PALMD: variants seen among roughly 807,000 people sequenced by gnomAD.
PALMD encodes the protein paralemmin-like protein.
In PALMD, 42 loss-of-function variants were observed where a neutral mutation model predicts 56.2. The observed-to-expected ratio is 0.75, with a 90% CI of 0.58 to 0.97. The LOEUF is 0.97. PALMD is among the 50% of genes least tolerant of loss of function. The probability of loss-of-function intolerance (pLI) is 0.00; values close to 1 mark genes in which losing one functional copy is unlikely to be tolerated. For missense variants in PALMD, 660 were observed against 643.8 expected (o/e 1.03, Z -0.27); for synonymous variants, 242 against 222.9 (o/e 1.09, Z -0.76).
intron 1 of PALMD, among the ~76,000 whole-genome samples, chr1:99,661,715 A>C (rs1298052310): frequency 6.6e-6 from 1 of 152,214 alleles, no homozygotes; most frequent in Non-Finnish European, 1.5e-5. Context: ...ATGTAATTTA[A>C]ACTTGGTGAA....
intron 1 of PALMD, among the ~76,000 whole-genome samples, chr1:99,653,616 A>G (rs1015921352): frequency 2.3e-4 from 35 of 152,290 alleles, no homozygotes; most frequent in African/African-American, 7.7e-4. Flanking sequence ...AGATGCAGAC[A>G]TAATTATTGG....
At chr1:99,661,019 A>G (rs929048856) in intron 1 of PALMD, among the ~76,000 whole-genome samples, 2 of 152,256 alleles carry the variant, frequency 1.3e-5, no homozygotes, top group East Asian at 3.8e-4. Flanking sequence ...CACATCAAAA[A>G]AGAGTTTTTA....
chr1:99,682,526 T>C (rs1467596889), intron 3 of PALMD, among the ~76,000 whole-genome samples: 3 of 152,176 alleles, frequency 2.0e-5, no homozygotes, highest in African/African-American at 7.2e-5. Context: ...TTCAACCTCA[T>C]ATTCTTACCA....
At chr1:99,684,451 G>A (rs975359124) in intron 3 of PALMD, 1 of 152,182 alleles carries the variant, frequency 6.6e-6, no homozygotes, top group African/African-American at 2.4e-5. Context: ...ACATAGAAGA[G>A]TGCCTGGTTC....
chr1:99,669,695 T>C (rs185648907), intron 3 of PALMD: 6 of 152,354 alleles, frequency 3.9e-5, no homozygotes, highest in African/African-American at 9.6e-5. Context: ...AATCCGAGTA[T>C]TAACCAGGAC....
rs551533592 is a variant in PALMD at position 99,670,439 on chromosome 1, T to C, written c.251+2673T>C. On this transcript the variant is annotated intron_variant, in intron 3 of 7. Coordinates refer to ENST00000263174, the MANE Select transcript of PALMD (RefSeq NM_017734.5). ...CACCTCCATTTCACAGATGAGGAAA[T>C]AGGCGCAGAGAAAGAAAGTGACTTA... is the stretch of plus-strand genomic sequence containing the variant. Among the ~76,000 whole-genome samples the C allele has an allele frequency of 6.6e-5, 10 of 152,164 alleles. No homozygotes were observed. In the East Asian group the frequency reaches 1.9e-3, roughly 29 times the overall value.
At chr1:99,657,982 G>A (rs1033317502) in intron 1 of PALMD, among the ~76,000 whole-genome samples, 6 of 152,148 alleles carry the variant, frequency 3.9e-5, no homozygotes, top group Non-Finnish European at 7.3e-5. Context: ...ATGCCTTAGC[G>A]ATAACATGTA....
At chr1:99,653,024 T>C (rs1374593532) in intron 1 of PALMD, among the ~76,000 whole-genome samples, 1 of 152,162 alleles carries the variant, frequency 6.6e-6, no homozygotes, top group Admixed American at 6.6e-5. Flanking sequence ...GGCCCCTTTT[T>C]CCTCTGCCTT....
intron 1 of PALMD, 88 bp downstream of exon 1, chr1:99,646,450 C>G: frequency 1.0e-6 from 1 of 975,560 alleles, no homozygotes; most frequent in South Asian, 1.3e-5. Context: ...TGAGCCCTCG[C>G]AAGTGGAAAA....
intron 3 of PALMD, among the ~76,000 whole-genome samples, chr1:99,672,245 T>G (rs760704227): frequency 2.0e-5 from 3 of 152,158 alleles, no homozygotes; most frequent in Non-Finnish European, 4.4e-5. Context: ...CAAACAATAT[T>G]GTGGAGTATT....
intron 6 of PALMD, 21 bp from the exon 7 acceptor site, chr1:99,688,754 A>T: frequency 6.6e-7 from 1 of 1,515,778 alleles, no homozygotes; most frequent in Middle Eastern, 2.0e-4. Context: ...TAAATCAAAG[A>T]TCAAATTTGT....
At chr1:99,652,619 A>G (rs142203955) in intron 1 of PALMD, among the ~76,000 whole-genome samples, 440 of 151,304 alleles carry the variant, frequency 2.9e-3, no homozygotes, top group African/African-American at 0.01. Context: ...AAAAGAAAAG[A>G]CAGAAAAGAG....
At position 99,689,783 on chromosome 1, in the gene PALMD, A is replaced by C; in HGVS notation, c.1523A>C (p.Glu508Ala). The C allele has an allele frequency of 6.2e-7, 1 of 1,613,846 alleles. No individual in the cohort carries two copies. Among genetic ancestry groups the C allele is most frequent in the Non-Finnish European group, 8.5e-7 (1 of 1,179,840 alleles). ...SPHKNSISLK[E>A]QEESLGSPVH... ...CACAAAAATTCCATATCTCTGAAAG[A>C]GCAAGAAGAAAGCTTAGGCAGCCCT... The change falls in exon 7 of 8, where the codon GAG becomes GCG. Residue 508 changes from glutamate (E) to alanine (A), a missense_variant. By Grantham distance (107) the Glu-to-Ala change is moderately radical. Transcript: ENST00000263174.
At chr1:99,655,867 A>T (rs1652711923) in intron 1 of PALMD, among the ~76,000 whole-genome samples, 1 of 152,102 alleles carries the variant, frequency 6.6e-6, no homozygotes, top group Admixed American at 6.6e-5. Flanking sequence ...TGTCATTTTG[A>T]TATTACGCTA....
intron 3 of PALMD, 116 bp downstream of exon 3, chr1:99,667,882 CTT>C (rs35580645): frequency 0.031 from 23,359 of 744,094 alleles, 1 homozygote; most frequent in Non-Finnish European, 0.035. Context: ...ATTTGAATTT[CTT>C]TTTTTTTTTT....
chr1:99,646,306 T>G lies in PALMD; in HGVS notation c.-12T>G. ...GACTTGCTTCCCCGTCTGACTGTCC[T>G]TGACTTCTAGAATGGAAGAAGCTGA... On this transcript the variant is annotated 5_prime_UTR_variant, in exon 1 of 8. Coordinates refer to ENST00000263174, the MANE Select transcript of PALMD (RefSeq NM_017734.5). 1 of 1,612,320 alleles carries G rather than the reference T, an allele frequency of 6.2e-7. No individual in the cohort carries two copies. Among genetic ancestry groups the G allele is most frequent in the South Asian group, 1.1e-5 (1 of 91,044 alleles).
chr1:99,689,917 C>T, intron 7 of PALMD, 45 bp downstream of exon 7: 4 of 1,528,316 alleles, frequency 2.6e-6, no homozygotes, highest in Non-Finnish European at 3.5e-6. Context: ...AGTCATGTGA[C>T]CAGCTTCTCT....
intron 3 of PALMD, among the ~76,000 whole-genome samples, chr1:99,674,920 C>T (rs1653167962): frequency 1.3e-5 from 2 of 152,338 alleles, no homozygotes; most frequent in East Asian, 1.9e-4. Context: ...TGCCACCAGG[C>T]CTAGACTTCT....
chr1:99,670,160 C>G (rs945782803), intron 3 of PALMD, among the ~76,000 whole-genome samples: 2 of 152,174 alleles, frequency 1.3e-5, no homozygotes, highest in African/African-American at 4.8e-5. Flanking sequence ...CCTTCTATGT[C>G]CCCCTATTCT....
Sources: allele counts gnomAD v4.1 joint callset (sites outside exome capture counted in the v4.1 genomes callset), GRCh38; gene constraint gnomAD v4.1.1; transcripts MANE v1.5; gene names NCBI Gene and HGNC (gene_info 2026-07-23, HGNC 2026-07-21).